Variants in CAP2 observed in about 807,000 individuals in gnomAD.
CAP2 encodes the protein cyclase associated actin cytoskeleton regulatory protein 2, also known as adenylyl cyclase-associated protein 2.
CAP2 carries 24 observed loss-of-function variants against 57.7 expected under a neutral mutation model. That is an observed-to-expected ratio of 0.42 (90% CI 0.30 to 0.58). The LOEUF is 0.58. Ranked by LOEUF, CAP2 falls within the 20% of genes least tolerant of loss-of-function variation. The pLI is 0.22. For synonymous variants in CAP2, 194 were observed against 207.2 expected, an observed-to-expected ratio of 0.94 and a Z score of 0.55; for missense variants, 501 against 590.3, an observed-to-expected ratio of 0.85 and a Z score of 1.57.
At chr6:17,522,128 GA>G (rs1762406863) in intron 7 of CAP2, among the ~76,000 whole-genome samples, 1 of 149,938 alleles carries the variant, frequency 6.7e-6, no homozygotes, top group Non-Finnish European at 1.5e-5. Context: ...AAAAAGGAAA[GA>G]AAAAAAAAGA....
intron 11 of CAP2, among the ~76,000 whole-genome samples, chr6:17,544,990 A>G (rs1272336767): frequency 6.6e-6 from 1 of 152,252 alleles, no homozygotes; most frequent in Non-Finnish European, 1.5e-5. Context: ...ATCATGGTTC[A>G]TAGAAACCTA....
chr6:17,517,732 C>G (rs1762302461), intron 7 of CAP2, among the ~76,000 whole-genome samples: 1 of 151,994 alleles, frequency 6.6e-6, no homozygotes, highest in Non-Finnish European at 1.5e-5. Context: ...AAAACACTGT[C>G]TCTACTAAAA....
intron 4 of CAP2, among the ~76,000 whole-genome samples, chr6:17,487,978 CAG>C (rs1761457999): frequency 6.6e-6 from 1 of 151,694 alleles, no homozygotes; most frequent in Non-Finnish European, 1.5e-5. Flanking sequence ...TTTGTAGAGA[CAG>C]AGTCTTGCTT....
At chr6:17,534,230 T>G (rs969015887) in intron 7 of CAP2, among the ~76,000 whole-genome samples, 1 of 152,188 alleles carries the variant, frequency 6.6e-6, no homozygotes, top group Non-Finnish European at 1.5e-5. Flanking sequence ...ATAAAAGAAT[T>G]TGTTATTAAG....
At position 17,456,670 on chromosome 6, in the gene CAP2, T is replaced by G. The variant is rs569431196; in HGVS notation, c.223-6326T>G. ...CACTGAGTACACAGATGCCCATTCT[T>G]CCATCTTTAGAGGAAGAGGGGCCCC... On this transcript the variant is annotated intron_variant, in intron 3 of 12. Coordinates refer to ENST00000229922, the MANE Select transcript of CAP2 (RefSeq NM_006366.3). Among the ~76,000 whole-genome samples, 48 of 152,282 alleles carry G rather than the reference T, an allele frequency of 3.2e-4. 1 individual carries two copies. The South Asian group carries it at 1.0e-2, about 32-fold the overall frequency.
chr6:17,413,739 T>C (rs1466128283), intron 1 of CAP2, among the ~76,000 whole-genome samples: 2 of 152,210 alleles, frequency 1.3e-5, no homozygotes, highest in Non-Finnish European at 2.9e-5. Flanking sequence ...AGAAAGTCAC[T>C]GATACGGTTA....
chr6:17,404,553 C>T (rs1468446371), intron 1 of CAP2, among the ~76,000 whole-genome samples: 1 of 151,798 alleles, frequency 6.6e-6, no homozygotes, highest in African/African-American at 2.4e-5. Flanking sequence ...TGCAGTGAGC[C>T]CAGATGGCGC....
chr6:17,526,108 A>G (rs1762499402), intron 7 of CAP2, among the ~76,000 whole-genome samples: 1 of 151,876 alleles, frequency 6.6e-6, no homozygotes, highest in African/African-American at 2.4e-5. Flanking sequence ...CAAAAGCTGC[A>G]TGAAAATGTG....
intron 7 of CAP2, among the ~76,000 whole-genome samples, chr6:17,522,475 C>G (rs1169774211): frequency 2.0e-5 from 3 of 152,136 alleles, no homozygotes; most frequent in African/African-American, 7.2e-5. Flanking sequence ...GGAAAATAAG[C>G]CTTGTGAATT....
intron 1 of CAP2, among the ~76,000 whole-genome samples, chr6:17,399,379 T>A (rs958823080): frequency 6.6e-6 from 1 of 152,174 alleles, no homozygotes; most frequent in East Asian, 1.9e-4. Context: ...AGCTTTTATA[T>A]CCAGGGGAAT....
At chr6:17,551,405 C>T (rs965264231) in intron 11 of CAP2, 59 bp from the exon 12 acceptor site, 10 of 1,341,032 alleles carry the variant, frequency 7.5e-6, no homozygotes, top group Admixed American at 1.9e-5. Flanking sequence ...TGTATTTATT[C>T]GAGGGCATTG....
At position 17,479,907 on chromosome 6, in the gene CAP2, G is replaced by C. The variant is rs576340171; in HGVS notation, c.300+16834G>C. On this transcript the variant is annotated intron_variant, in intron 4 of 12. Transcript: ENST00000229922. ...TGGGATTACAGGTGTGAGCCACCGC[G>C]CCCAGCTTAATTTTTTTAATATAAG... Among the ~76,000 whole-genome samples, 8 of 151,932 alleles carry C rather than the reference G, an allele frequency of 5.3e-5. No homozygotes were observed. In the East Asian group the frequency reaches 7.7e-4, roughly 15 times the overall value.
chr6:17,536,581 A>T (rs1198843946), intron 7 of CAP2, among the ~76,000 whole-genome samples: 3 of 152,206 alleles, frequency 2.0e-5, no homozygotes, highest in African/African-American at 7.2e-5. Flanking sequence ...AAAAAGTTGA[A>T]TATGTGGCTT....
intron 1 of CAP2, among the ~76,000 whole-genome samples, chr6:17,411,771 C>T (rs1759146898): frequency 6.6e-6 from 1 of 152,106 alleles, no homozygotes; most frequent in Non-Finnish European, 1.5e-5. Flanking sequence ...AGCAGGTTCT[C>T]CATGGCTCTT....
intron 2 of CAP2, among the ~76,000 whole-genome samples, chr6:17,425,776 T>C (rs1759572505): frequency 6.6e-6 from 1 of 152,182 alleles, no homozygotes; most frequent in Non-Finnish European, 1.5e-5. Context: ...AGTGTTTTCC[T>C]GAGCTGTTGA....
intron 7 of CAP2, among the ~76,000 whole-genome samples, chr6:17,534,998 G>T (rs535190352): frequency 6.6e-6 from 1 of 152,132 alleles, no homozygotes; most frequent in African/African-American, 2.4e-5. Flanking sequence ...AGGGCACAGA[G>T]TCACAACAAA....
chr6:17,511,284 CTG>C (rs1762141208), intron 6 of CAP2, among the ~76,000 whole-genome samples: 1 of 152,118 alleles, frequency 6.6e-6, no homozygotes, highest in Non-Finnish European at 1.5e-5. Flanking sequence ...GGTGCCGTCT[CTG>C]TGTCGCAGTC....
chr6:17,530,816 C>T (rs1762621633), intron 7 of CAP2: 1 of 627,138 alleles, frequency 1.6e-6, no homozygotes, highest in Non-Finnish European at 2.7e-6. Context: ...TTTGGTCTCC[C>T]ACTTTTTTTT....
chr6:17,472,787 G>C (rs891144178), intron 4 of CAP2, among the ~76,000 whole-genome samples: 2 of 152,210 alleles, frequency 1.3e-5, no homozygotes, highest in African/African-American at 2.4e-5. Context: ...AAGCTACCCA[G>C]TCAGGGCTGA....
Sources: allele counts gnomAD v4.1 joint callset (sites outside exome capture counted in the v4.1 genomes callset), GRCh38; gene constraint gnomAD v4.1.1; transcripts MANE v1.5; gene names NCBI Gene and HGNC (gene_info 2026-07-23, HGNC 2026-07-21).